The following SLC1A4 variants were observed in gnomAD, a reference collection of about 807,000 sequenced individuals.
SLC1A4 encodes the protein solute carrier family 1 member 4.
Under a neutral mutation model 37.7 loss-of-function variants are expected in SLC1A4, and 19 were observed. That is an observed-to-expected ratio of 0.50 (90% confidence interval 0.35 to 0.74). The LOEUF is 0.74. SLC1A4 is among the 30% of genes least tolerant of loss of function. The probability of loss-of-function intolerance (pLI) is 0.01; values close to 1 mark genes in which losing one functional copy is unlikely to be tolerated. For synonymous variants in SLC1A4, 299 were observed against 309.8 expected (o/e 0.97, Z 0.37); for missense variants, 570 against 712.9 (o/e 0.80, Z 2.28).
At chr2:64,996,801 G>A (rs1382165394) in intron 1 of SLC1A4, among the ~76,000 whole-genome samples, 4 of 152,098 alleles carry the variant, frequency 2.6e-5, no homozygotes, top group Non-Finnish European at 4.4e-5. Context: ...GGATAGAACT[G>A]GATCACCTCT....
Position 65,016,733 on chromosome 2 carries a change from C to T in SLC1A4, c.1034+60C>T, listed in dbSNP as rs113821977. On this transcript the variant is annotated intron_variant, in intron 5 of 7. Coordinates refer to ENST00000234256, the MANE Select transcript of SLC1A4 (RefSeq NM_003038.5). ...CCATGTTAACATGGAACCAGGTGAG[C>T]CCAGTGGTAGATGCACAACCAGTGT... 2,225 of 1,109,390 alleles carry T rather than the reference C, an allele frequency of 2.0e-3. 3 individuals carry two copies. Among genetic ancestry groups the T allele is most frequent in the Non-Finnish European group, 2.3e-3 (1,633 of 723,684 alleles). 68.7% of individuals were successfully genotyped at this position (1,109,390 alleles called of 1,614,324 possible).
rs372099364 is a variant in SLC1A4 at position 65,018,559 on chromosome 2, C to T, written c.1244C>T (p.Ala415Val). The change falls in exon 7 of 8, where the codon GCG becomes GTG. Residue 415 changes from alanine to valine, a missense_variant. Transcript: ENST00000234256. This position sits in a 1 kb window ranked among gnomAD's most constrained non-coding sequence, Gnocchi z 4.3. ...CCATCCCTTAGAGTGACTGCCACAG[C>T]GTCCAGTGTTGGAGCAGCAGGCGTG... is the stretch of plus-strand genomic sequence containing the variant. Reference protein sequence around the residue: ...QIFTILVTATASSVGAAGVPA... With the variant: ...QIFTILVTATVSSVGAAGVPA... 32 of 1,614,108 alleles carry T rather than the reference C, an allele frequency of 2.0e-5. No individual in the cohort carries two copies. Among genetic ancestry groups the T allele is most frequent in the African/African-American group, 4.0e-5 (3 of 74,946 alleles).
rs370889372 is a variant in SLC1A4 at position 65,016,668 on chromosome 2, C to T, written c.1029C>T (p.Cys343=). The change falls in exon 5 of 8, where the codon TGC becomes TGT. Residue 343 remains cysteine, a synonymous_variant. Coordinates refer to ENST00000234256, the MANE Select transcript of SLC1A4 (RefSeq NM_003038.5). ...CATTTGCGACAGCATTTGCTACCTG[C>T]TCCAGGTGAGTGGGTTTTGGGTCTC... is the stretch of plus-strand genomic sequence containing the variant. ...LAPFATAFAT[C]SSSATLPSMM... The T allele has an allele frequency of 5.6e-6, 9 of 1,611,814 alleles. No individual in the cohort carries two copies. The highest frequency in any genetic ancestry group is 4.5e-5 in the East Asian group (2 of 44,892).
chr2:65,023,229 C>T lies in SLC1A4; in HGVS notation c.*2083C>T, dbSNP rs1674496523. 6.6e-6 allele frequency: 1 copy of T among 152,230 alleles called. No individual in the cohort carries two copies. Among genetic ancestry groups the T allele is most frequent in the Non-Finnish European group, 1.5e-5 (1 of 68,034 alleles). The allele number at this position is 152,230 out of a possible 1,614,324, so 9.4% of individuals were successfully genotyped here. A position where few individuals can be genotyped will look rare whatever the true frequency, so the allele number is the denominator to read the frequency against. On this transcript the variant is annotated 3_prime_UTR_variant, in exon 8 of 8. Coordinates refer to ENST00000234256, the MANE Select transcript of SLC1A4 (RefSeq NM_003038.5). Reference sequence around the variant, plus strand: ...TTTGATTCCAAATGGTAAATGAACACTCACTATTCTTCAGGCTTCAGTAAA... The same window carrying T: ...TTTGATTCCAAATGGTAAATGAACATTCACTATTCTTCAGGCTTCAGTAAA...
intron 3 of SLC1A4, among the ~76,000 whole-genome samples, chr2:65,007,086 T>C (rs75272573): frequency 0.02 from 2,976 of 152,298 alleles, 90 homozygotes; most frequent in African/African-American, 0.064. Context: ...CAATGATTTA[T>C]TTGGCAACAG....
intron 1 of SLC1A4, among the ~76,000 whole-genome samples, chr2:64,992,559 C>T (rs963689667): frequency 1.6e-4 from 25 of 152,098 alleles, no homozygotes; most frequent in African/African-American, 6.0e-4. Flanking sequence ...GGTGGTATAT[C>T]CCATTTTATG....
chr2:65,002,567 A>ATTTTTTTT (rs1324825931), intron 2 of SLC1A4, among the ~76,000 whole-genome samples: 1 of 115,524 alleles, frequency 8.7e-6, no homozygotes, highest in Non-Finnish European at 1.7e-5. Context: ...TCCTGTGACC[A>ATTTTTTTT]TTCTTTTTTT....
chr2:65,002,006 G>A (rs1234117610), intron 2 of SLC1A4, among the ~76,000 whole-genome samples: 1 of 152,116 alleles, frequency 6.6e-6, no homozygotes, highest in Non-Finnish European at 1.5e-5. Flanking sequence ...CAGGCTGGGC[G>A]CAGTGGCTCA....
chr2:64,990,423 C>G (rs1276550196), intron 1 of SLC1A4, among the ~76,000 whole-genome samples: 1 of 152,184 alleles, frequency 6.6e-6, no homozygotes, highest in African/African-American at 2.4e-5. Flanking sequence ...CAGTCCCCAC[C>G]GTTAGGTGGG....
At chr2:64,995,385 T>A (rs986124896) in intron 1 of SLC1A4, among the ~76,000 whole-genome samples, 1 of 152,250 alleles carries the variant, frequency 6.6e-6, no homozygotes, top group African/African-American at 2.4e-5. Context: ...TATTCTAGTG[T>A]GTCCCACCCT....
At position 65,016,604 on chromosome 2, in the gene SLC1A4, G is replaced by GA; in HGVS notation, c.971dup (p.Asn324LysfsTer34). 6.2e-7 allele frequency: 1 copy of GA among 1,614,036 alleles called. No individual in the cohort carries two copies. Among genetic ancestry groups the GA allele is most frequent in the Non-Finnish European group, 8.5e-7 (1 of 1,179,980 alleles). On this transcript the variant is annotated frameshift_variant, in exon 5 of 8. Transcript: ENST00000234256. LOFTEE classifies it high-confidence loss of function. Reference sequence around the variant, plus strand: ...CCACTTATTTATTTTGTTTTCACACGAAAAAACCCATTCAGATTCCTCCTG... The same window carrying GA: ...CCACTTATTTATTTTGTTTTCACACGAAAAAAACCCATTCAGATTCCTCCTG...
At chr2:65,000,737 G>C (rs974976242) in intron 1 of SLC1A4, 1 of 152,214 alleles carries the variant, frequency 6.6e-6, no homozygotes, top group Non-Finnish European at 1.5e-5. Flanking sequence ...AATTAGTTTA[G>C]TCTTGAGTAA....
chr2:64,997,450 A>G (rs751345340), intron 1 of SLC1A4, among the ~76,000 whole-genome samples: 1 of 152,146 alleles, frequency 6.6e-6, no homozygotes, highest in Non-Finnish European at 1.5e-5. Context: ...TCCATCACCT[A>G]TGACTCTTCT....
At position 65,021,522 on chromosome 2, in the gene SLC1A4, G is replaced by C; in HGVS notation, c.*376G>C. ...ACTCTCCCCGGTCAGCTCTGCATCA[G>C]GTGTTTTCTGAGCAAACCAAGGGGG... is the stretch of plus-strand genomic sequence containing the variant. On this transcript the variant is annotated 3_prime_UTR_variant, in exon 8 of 8. Transcript: ENST00000234256. 1 of 212,652 alleles carries C rather than the reference G, an allele frequency of 4.7e-6. No individual in the cohort carries two copies. Among genetic ancestry groups the C allele is most frequent in the Non-Finnish European group, 9.4e-6 (1 of 106,018 alleles). The allele number at this position is 212,652 out of a possible 1,614,324, so 13.2% of individuals were successfully genotyped here. A position where few individuals can be genotyped will look rare whatever the true frequency, so the allele number is the denominator to read the frequency against.
chr2:64,991,307 G>A (rs1441903113), intron 1 of SLC1A4, among the ~76,000 whole-genome samples: 3 of 149,258 alleles, frequency 2.0e-5, no homozygotes, highest in South Asian at 2.2e-4. Context: ...TAGGACATCC[G>A]TATTTAAAAA....
intron 3 of SLC1A4, among the ~76,000 whole-genome samples, chr2:65,008,860 T>C (rs1373225794): frequency 6.6e-6 from 1 of 152,226 alleles, no homozygotes; most frequent in Non-Finnish European, 1.5e-5. Flanking sequence ...ATATTAGCTA[T>C]TGTGACTATC....
chr2:65,018,656 G>A lies in SLC1A4; in HGVS notation c.1341G>A (p.Leu447=). 1 of 1,614,192 alleles carries A rather than the reference G, an allele frequency of 6.2e-7. No individual in the cohort carries two copies. The highest frequency in any genetic ancestry group is 8.5e-7 in the Non-Finnish European group (1 of 1,180,024). ...AIGLPTHDLP[L]ILAVDWIVDR... Reference sequence around the variant, plus strand: ...GGCTGCCTACTCATGACCTGCCTCTGATCCTGGCTGTGGACTGGATTGTGT... The same window carrying A: ...GGCTGCCTACTCATGACCTGCCTCTAATCCTGGCTGTGGACTGGATTGTGT... The change falls in exon 7 of 8, where the codon CTG becomes CTA. Residue 447 remains leucine (L), a synonymous_variant. Transcript: ENST00000234256. The surrounding 1 kb of genome is among the most constrained non-coding windows in gnomAD (Gnocchi z 4.3).
At chr2:64,991,347 C>A (rs1673043570) in intron 1 of SLC1A4, among the ~76,000 whole-genome samples, 1 of 151,050 alleles carries the variant, frequency 6.6e-6, no homozygotes, top group African/African-American at 2.4e-5. Flanking sequence ...AAAAACCACT[C>A]ATGAGGGAGA....
rs1674284224 is a variant in SLC1A4, at chr2:65,018,673, G to A, written c.1358G>A (p.Trp453Ter). The A allele has an allele frequency of 6.2e-7, 1 of 1,614,144 alleles. No individual in the cohort carries two copies. Among genetic ancestry groups the A allele is most frequent in the Non-Finnish European group, 8.5e-7 (1 of 1,180,014 alleles). ...CTGCCTCTGATCCTGGCTGTGGACT[G>A]GATTGTGTAAGTAACAAGTCCTGAG... ...HDLPLILAVDWIVDRTTTVVN... is the reference protein window; with the variant it reads ...HDLPLILAVD The change falls in exon 7 of 8, where the codon TGG (tryptophan) becomes TAG (stop). Residue 453 changes from tryptophan to a stop codon, truncating the protein, a stop_gained. Coordinates refer to ENST00000234256, the MANE Select transcript of SLC1A4 (RefSeq NM_003038.5). LOFTEE classifies it high-confidence loss of function. This position sits in a 1 kb window ranked among gnomAD's most constrained non-coding sequence, Gnocchi z 4.3.
Sources: allele counts gnomAD v4.1 joint callset (sites outside exome capture counted in the v4.1 genomes callset), GRCh38; gene constraint gnomAD v4.1.1; non-coding constraint Gnocchi (gnomAD v3.1); transcripts MANE v1.5; gene names NCBI Gene and HGNC (gene_info 2026-07-23, HGNC 2026-07-21).